The following KMT2C variants were observed in gnomAD, a reference collection of about 807,000 sequenced individuals.
The protein encoded by KMT2C is lysine methyltransferase 2C, also known as histone-lysine N-methyltransferase 2C.
A neutral mutation model predicts 507.9 loss-of-function variants in KMT2C; 88 were observed. That is an observed-to-expected ratio of 0.17 (90% CI 0.15 to 0.21). The LOEUF is 0.21. Ranked by LOEUF, KMT2C falls within the 10% of genes least tolerant of loss-of-function variation. KMT2C has a pLI of 1.00. For missense variants in KMT2C, 4,954 were observed against 5,957.8 expected (o/e 0.83, Z 5.55); for synonymous variants, 2,049 against 2,080.8 (o/e 0.98, Z 0.42).
intron 6 of KMT2C, among the ~76,000 whole-genome samples, chr7:152,288,152 A>G (rs1281219835): frequency 6.6e-6 from 1 of 151,692 alleles, no homozygotes; most frequent in Admixed American, 6.6e-5. Context: ...TGCTAACAAA[A>G]ATAAAATACA....
At position 152,224,104 on chromosome 7, in the gene KMT2C, G is replaced by A. The variant is rs759975163; in HGVS notation, c.3234C>T (p.Cys1078=). The A allele has an allele frequency of 8.1e-6, 13 of 1,608,332 alleles. No homozygotes were observed. Among genetic ancestry groups the A allele is most frequent in the African/African-American group, 4.0e-5 (3 of 74,738 alleles). Residue 1078 remains cysteine, a synonymous_variant, in exon 20 of 59, where the codon TGC becomes TGT. Transcript: ENST00000262189. The part of the protein sequence containing the change: ...RCEWQNNYTQ[C]APCASLSSCP... ...AGGAAGATAAGCTTGCACAAGGAGC[G>A]CACTGTGTGTAATTGTTCTGCCATT... is the stretch of plus-strand genomic sequence containing the variant.
chr7:152,423,157 T>C (rs1411025218), intron 1 of KMT2C, among the ~76,000 whole-genome samples: 1 of 151,902 alleles, frequency 6.6e-6, no homozygotes, highest in Non-Finnish European at 1.5e-5. Flanking sequence ...CTGACCAACA[T>C]GGTGAAACCC....
At chr7:152,409,734 A>ACATAAAAT (rs2097661882) in intron 1 of KMT2C, among the ~76,000 whole-genome samples, 1 of 149,044 alleles carries the variant, frequency 6.7e-6, no homozygotes, top group South Asian at 2.1e-4. Flanking sequence ...CCGTCTCAAA[A>ACATAAAAT]AAAATAAAAT....
intron 9 of KMT2C, among the ~76,000 whole-genome samples, chr7:152,262,262 C>G (rs545365421): frequency 2.2e-4 from 34 of 152,300 alleles, no homozygotes; most frequent in African/African-American, 7.7e-4. Flanking sequence ...GCCTTCCACT[C>G]CCGCACACGG....
chr7:152,236,278 T>C (rs1268444415), intron 15 of KMT2C, among the ~76,000 whole-genome samples: 3 of 152,240 alleles, frequency 2.0e-5, no homozygotes, highest in Non-Finnish European at 4.4e-5. Context: ...TTGTATTCAA[T>C]ATAGAGTAAG....
At chr7:152,337,809 A>G (rs1162392971) in intron 2 of KMT2C, among the ~76,000 whole-genome samples, 1 of 151,724 alleles carries the variant, frequency 6.6e-6, no homozygotes, top group African/African-American at 2.4e-5. Flanking sequence ...CTACATTCAC[A>G]CACTATAGTC....
At chr7:152,391,543 CT>C (rs71198782) in intron 1 of KMT2C, among the ~76,000 whole-genome samples, 2,868 of 95,900 alleles carry the variant, frequency 0.03, no homozygotes, top group Middle Eastern at 0.071. Flanking sequence ...CATGCCCGGC[CT>C]TTTTTTTTTT....
intron 23 of KMT2C, among the ~76,000 whole-genome samples, chr7:152,217,640 A>G (rs182130156): frequency 0.013 from 1,945 of 152,262 alleles, 34 homozygotes; most frequent in African/African-American, 0.043. Flanking sequence ...GTAAATTCAG[A>G]TGGGCTATTT....
chr7:152,240,764 T>A (rs2095367716), intron 14 of KMT2C, among the ~76,000 whole-genome samples: 1 of 152,198 alleles, frequency 6.6e-6, no homozygotes, highest in Admixed American at 6.5e-5. Context: ...AATTCAAGAC[T>A]TTTTATCTTC....
At chr7:152,376,541 T>C (rs2097329690) in intron 1 of KMT2C, among the ~76,000 whole-genome samples, 1 of 152,210 alleles carries the variant, frequency 6.6e-6, no homozygotes, top group Non-Finnish European at 1.5e-5. Context: ...TAGTGGTCCA[T>C]ATGGAAGATT....
At chr7:152,377,734 CAAAAAAAAAAAAA>C (rs59181675) in intron 1 of KMT2C, among the ~76,000 whole-genome samples, 11 of 62,622 alleles carry the variant, frequency 1.8e-4, no homozygotes, top group African/African-American at 5.3e-4. Context: ...GACTCCGTCT[CAAAAAAAAAAAAA>C]AAAAAAAGTG....
In KMT2C at chr7:152,210,937, C is replaced by G. The variant is rs912106296; in HGVS notation, c.3713-3509G>C. On this transcript the variant is annotated intron_variant, in intron 23 of 58. Coordinates refer to ENST00000262189, the MANE Select transcript of KMT2C (RefSeq NM_170606.3). ...CTGAGTATGTTTCACATCTGAAAAG[C>G]AGAATTCTGGAAAAACAGAGGGAAT... Among the ~76,000 whole-genome samples the G allele has an allele frequency of 2.6e-5, 4 of 152,086 alleles. No homozygotes were observed. The East Asian group carries it at 7.7e-4, about 29-fold the overall frequency.
In KMT2C at chr7:152,138,078, C is replaced by G. The variant is rs184750425; in HGVS notation, c.14643+718G>C. The G allele has an allele frequency of 2.0e-5, 3 of 152,366 alleles. No homozygotes were observed. The highest frequency in any genetic ancestry group is 2.0e-4 in the Admixed American group (3 of 15,308). The allele number at this position is 152,366 out of a possible 1,614,324, so 9.4% of individuals were successfully genotyped here. ...GGGACGTTTCCTACAGAAACCAAGCCTGCTGCTCAGTGACAGCTTTCCAGG... is the reference window on the plus strand; with the variant it reads ...GGGACGTTTCCTACAGAAACCAAGCGTGCTGCTCAGTGACAGCTTTCCAGG... On this transcript the variant is annotated intron_variant, in intron 58 of 58. Coordinates refer to ENST00000262189, the MANE Select transcript of KMT2C (RefSeq NM_170606.3). This position sits in a 1 kb window ranked among gnomAD's most constrained non-coding sequence, Gnocchi z 4.2.
At chr7:152,341,791 G>C (rs146922404) in intron 2 of KMT2C, among the ~76,000 whole-genome samples, 65 of 152,244 alleles carry the variant, frequency 4.3e-4, no homozygotes, top group African/African-American at 1.5e-3. Context: ...TAAATTGTTA[G>C]GCCAATTAAT....
At chr7:152,173,625 G>A (rs193108217) in intron 39 of KMT2C, among the ~76,000 whole-genome samples, 3 of 152,090 alleles carry the variant, frequency 2.0e-5, no homozygotes, top group African/African-American at 4.8e-5. Flanking sequence ...CGTAATTTCT[G>A]TTTTTCTCCT....
chr7:152,312,189 A>C (rs181607510), intron 4 of KMT2C: 38 of 296,016 alleles, frequency 1.3e-4, no homozygotes, highest in African/African-American at 8.0e-4. Context: ...GGAAGTATTA[A>C]ATTGTAAATT....
At chr7:152,270,603 T>C (rs373432889) in intron 7 of KMT2C, among the ~76,000 whole-genome samples, 1 of 152,168 alleles carries the variant, frequency 6.6e-6, no homozygotes, top group Non-Finnish European at 1.5e-5. Context: ...GCCAAATCCA[T>C]TCCTCAAGGT....
intron 9 of KMT2C, among the ~76,000 whole-genome samples, chr7:152,257,686 G>A (rs1305209944): frequency 6.6e-6 from 1 of 152,054 alleles, no homozygotes; most frequent in Admixed American, 6.5e-5. Flanking sequence ...GGAGGTACTG[G>A]TGTAAATTCA....
At chr7:152,149,483 C>T (rs1408568025) in intron 51 of KMT2C, among the ~76,000 whole-genome samples, 1 of 152,210 alleles carries the variant, frequency 6.6e-6, no homozygotes, top group Non-Finnish European at 1.5e-5. Flanking sequence ...AGAAAAAACA[C>T]ACACACACTC....
Sources: allele counts gnomAD v4.1 joint callset (sites outside exome capture counted in the v4.1 genomes callset), GRCh38; gene constraint gnomAD v4.1.1; non-coding constraint Gnocchi (gnomAD v3.1); transcripts MANE v1.5; gene names NCBI Gene and HGNC (gene_info 2026-07-23, HGNC 2026-07-21).